Variants in GRIP2 observed in about 807,000 individuals in gnomAD.
GRIP2 encodes the protein glutamate receptor-interacting protein 2.
A neutral mutation model predicts 108.3 loss-of-function variants in GRIP2; 58 were observed. That is an observed-to-expected ratio of 0.54 (90% CI 0.43 to 0.67). The LOEUF (loss-of-function observed/expected upper bound fraction) is 0.67, where lower values mean the gene tolerates loss of function less well. Ranked by LOEUF, GRIP2 falls within the 30% of genes least tolerant of loss-of-function variation. GRIP2 has a pLI of 0.00. For missense variants in GRIP2, 1,278 were observed against 1,430.6 expected (o/e 0.89, Z 1.72); for synonymous variants, 586 against 598.2 (o/e 0.98, Z 0.30).
chr3:14,573,946 C>T, the GRIP2 span: 7 of 1,098,536 alleles, frequency 6.4e-6, no homozygotes, highest in South Asian at 2.6e-5. Flanking sequence ...TCGCGCCCTG[C>T]GCGAATGAAG....
At position 14,520,381 on chromosome 3, in the gene GRIP2, G is replaced by A. The variant is rs766796496; in HGVS notation, c.860+9C>T. The A allele has an allele frequency of 1.2e-6, 2 of 1,610,886 alleles. No individual in the cohort carries two copies. The highest frequency in any genetic ancestry group is 2.2e-5 in the South Asian group (2 of 90,320). On this transcript the variant is annotated intron_variant, in intron 8 of 23. Coordinates refer to ENST00000621039, the MANE Select transcript of GRIP2 (RefSeq NM_001080423.4). ...CCTCCATGGTGGCAGCACCCAGGGT[G>A]TGCCTTACCTGTCCACCACGCTGGC...
the GRIP2 span, among the ~76,000 whole-genome samples, chr3:14,567,714 G>A: frequency 5.9e-5 from 9 of 152,202 alleles, no homozygotes; most frequent in African/African-American, 1.9e-4. Flanking sequence ...AATAGTGCCC[G>A]TCATTCATTC....
intron 10 of GRIP2, 67 bp from the exon 11 acceptor site, chr3:14,517,280 G>A (rs1359276827): frequency 2.1e-6 from 3 of 1,447,860 alleles, no homozygotes; most frequent in African/African-American, 2.9e-5. Flanking sequence ...CACAGTGGGT[G>A]CTGGGAAGCC....
intron 4 of GRIP2, chr3:14,523,966 G>A (rs1422062954): frequency 1.9e-6 from 1 of 527,468 alleles, no homozygotes; most frequent in Non-Finnish European, 3.4e-6. Flanking sequence ...ATGGCTGGTA[G>A]GCTCAGGCCA....
upstream of GRIP2, among the ~76,000 whole-genome samples, chr3:14,557,369 A>G (rs1695254603): frequency 1.3e-5 from 2 of 152,322 alleles, no homozygotes; most frequent in African/African-American, 2.4e-5. Flanking sequence ...AAACTTGCAG[A>G]CAAATAATTT....
the GRIP2 span, among the ~76,000 whole-genome samples, chr3:14,590,674 GCT>G: frequency 6.6e-6 from 1 of 152,146 alleles, no homozygotes; most frequent in African/African-American, 2.4e-5. Context: ...TGTCACTCTT[GCT>G]TGAAAACCTT....
At chr3:14,525,305 G>C in intron 3 of GRIP2, 132 bp downstream of exon 3, 2 of 1,116,138 alleles carry the variant, frequency 1.8e-6, no homozygotes, top group African/African-American at 1.6e-5. Flanking sequence ...CAGACACCAA[G>C]TTGATGGGTG....
At position 14,491,498 on chromosome 3, in the gene GRIP2, G is replaced by A. The variant is rs2125011472; in HGVS notation, c.*2167C>T. On this transcript the variant is annotated 3_prime_UTR_variant, in exon 24 of 24. Transcript: ENST00000621039. ...AAGGTGTCAGGAAATTTCAAGTCGG[G>A]GATGAACCATCCCCATGAGAAGCCA... is the stretch of plus-strand genomic sequence containing the variant. The A allele has an allele frequency of 6.6e-6, 1 of 152,314 alleles. No homozygotes were observed. Among genetic ancestry groups the A allele is most frequent in the East Asian group, 1.9e-4 (1 of 5,178 alleles). 9.4% of individuals were successfully genotyped at this position (152,314 alleles called of 1,614,324 possible).
At chr3:14,548,423 G>A (rs6789441) in intron 1 of GRIP2, among the ~76,000 whole-genome samples, 34,298 of 152,098 alleles carry the variant, frequency 0.23, 4,247 homozygotes, top group South Asian at 0.37. Flanking sequence ...AGCAGTGCAC[G>A]GACCTCCGCA....
Position 14,505,959 on chromosome 3 carries a change from T to C in GRIP2, c.2399-170A>G, listed in dbSNP as rs1290950939. On this transcript the variant is annotated intron_variant, in intron 19 of 23. Coordinates refer to ENST00000621039, the MANE Select transcript of GRIP2 (RefSeq NM_001080423.4). This position sits in a 1 kb window ranked among gnomAD's most constrained non-coding sequence, Gnocchi z 4.2. ...CCTCTCAGAATCTCCCTGGAGCTCC[T>C]GGTCATCCAGAAGTTAATGCCTGGG... 6.6e-6 allele frequency among the ~76,000 whole-genome samples: 1 copy of C among 152,146 alleles called. No homozygotes were observed. Among genetic ancestry groups the C allele is most frequent in the Non-Finnish European group, 1.5e-5 (1 of 68,014 alleles).
chr3:14,561,680 G>A, the GRIP2 span, among the ~76,000 whole-genome samples: 22 of 152,330 alleles, frequency 1.4e-4, no homozygotes, highest in East Asian at 3.5e-3. Flanking sequence ...CCTGCTTCCC[G>A]AAACAAATTA....
intron 21 of GRIP2, among the ~76,000 whole-genome samples, chr3:14,497,917 C>T (rs748527752): frequency 1.3e-5 from 2 of 152,146 alleles, no homozygotes; most frequent in Non-Finnish European, 2.9e-5. Flanking sequence ...AGGGAAACAG[C>T]TTCACACTCA....
At chr3:14,571,636 A>G in the GRIP2 span, among the ~76,000 whole-genome samples, 1 of 152,324 alleles carries the variant, frequency 6.6e-6, no homozygotes, top group Non-Finnish European at 1.5e-5. Flanking sequence ...ATAAAGAAGA[A>G]GCTGAACCGT....
the GRIP2 span, among the ~76,000 whole-genome samples, chr3:14,584,696 C>G: frequency 6.6e-5 from 10 of 152,240 alleles, no homozygotes; most frequent in East Asian, 1.9e-3. Flanking sequence ...CAGGCTCGCA[C>G]AGCAAATAGA....
At chr3:14,515,172 A>C (rs1176480847) in intron 11 of GRIP2, among the ~76,000 whole-genome samples, 2 of 152,232 alleles carry the variant, frequency 1.3e-5, no homozygotes, top group Non-Finnish European at 2.9e-5. Context: ...TCAGAATTGC[A>C]TTCCTTTTTG....
chr3:14,548,657 GGCCA>G (rs1695095119), intron 1 of GRIP2, among the ~76,000 whole-genome samples: 1 of 152,216 alleles, frequency 6.6e-6, no homozygotes, highest in Non-Finnish European at 1.5e-5. Context: ...AGAAGGAAAG[GGCCA>G]GCATTTGCTG....
chr3:14,524,002 A>G (rs1559344960), intron 4 of GRIP2: 1 of 489,480 alleles, frequency 2.0e-6, no homozygotes, highest in Non-Finnish European at 3.7e-6. Context: ...CAGTTACTCA[A>G]ACTTCAAGAC....
intron 1 of GRIP2, among the ~76,000 whole-genome samples, chr3:14,536,954 ATCCTCATAACCACACTGCCACT>A (rs1202128199): frequency 6.6e-6 from 1 of 152,072 alleles, no homozygotes; most frequent in Non-Finnish European, 1.5e-5. Context: ...TTCTCACTTA[ATCCTCATAACCACACTGCCACT>A]TGGGCACTGT....
At chr3:14,513,605 A>G (rs973162565) in intron 13 of GRIP2, 60 bp downstream of exon 13, 82 of 1,545,626 alleles carry the variant, frequency 5.3e-5, no homozygotes, top group East Asian at 1.2e-4. Context: ...GAGGCAGGAT[A>G]AAGAGAGGAG....
Sources: allele counts gnomAD v4.1 joint callset (sites outside exome capture counted in the v4.1 genomes callset), GRCh38; gene constraint gnomAD v4.1.1; non-coding constraint Gnocchi (gnomAD v3.1); transcripts MANE v1.5; gene names NCBI Gene and HGNC (gene_info 2026-07-23, HGNC 2026-07-21).